Variants in RNF43 observed in about 807,000 individuals in gnomAD.
The protein encoded by RNF43 is ring finger protein 43.
In RNF43, 37 loss-of-function variants were observed where a neutral mutation model predicts 78.4. The ratio of observed to expected loss-of-function variants is 0.47; its 90% CI spans 0.36 to 0.62. The LOEUF (loss-of-function observed/expected upper bound fraction) is 0.62, where lower values mean the gene tolerates loss of function less well. RNF43 is among the 20% of genes least tolerant of loss of function. The pLI is 0.00. For missense variants in RNF43, 774 were observed against 1,007.9 expected, an observed-to-expected ratio of 0.77 and a Z score of 3.14; for synonymous variants, 347 against 395.0, an observed-to-expected ratio of 0.88 and a Z score of 1.44.
At chr17:58,389,170 G>A (rs531274123) in intron 2 of RNF43, among the ~76,000 whole-genome samples, 1 of 152,244 alleles carries the variant, frequency 6.6e-6, no homozygotes, top group East Asian at 1.9e-4. Flanking sequence ...AGTACTGCAC[G>A]ATCAGAGCTT....
chr17:58,355,410 C>A (rs115384167), intron 9 of RNF43, among the ~76,000 whole-genome samples: 2,073 of 152,148 alleles, frequency 0.014, 45 homozygotes, highest in African/African-American at 0.046. Context: ...AGGAGAGAGA[C>A]CAGGTCCAAG....
Position 58,360,595 on chromosome 17 carries a change from T to C in RNF43, c.849+188A>G, listed in dbSNP as rs917914888. ...GTGGTACACTCTCAACAAACAATAGTGCTCTTTCACTGGAAGGTCAGAAAA... is the reference window on the plus strand; with the variant it reads ...GTGGTACACTCTCAACAAACAATAGCGCTCTTTCACTGGAAGGTCAGAAAA... On this transcript the variant is annotated intron_variant, in intron 7 of 9. Coordinates refer to ENST00000407977, the MANE Select transcript of RNF43 (RefSeq NM_017763.6). This position sits in a 1 kb window ranked among gnomAD's most constrained non-coding sequence, Gnocchi z 4.3. 1.3e-5 allele frequency among the ~76,000 whole-genome samples: 2 copies of C among 152,158 alleles called. No individual in the cohort carries two copies. The highest frequency in any genetic ancestry group is 2.9e-5 in the Non-Finnish European group (2 of 68,028).
chr17:58,395,018 T>A (rs1973646437), intron 2 of RNF43: 2 of 152,236 alleles, frequency 1.3e-5, no homozygotes, highest in South Asian at 4.1e-4. Flanking sequence ...CAGGCAAGTA[T>A]ATCGAGAGGA....
At chr17:58,384,090 T>A (rs1219890004) in intron 2 of RNF43, among the ~76,000 whole-genome samples, 1 of 152,272 alleles carries the variant, frequency 6.6e-6, no homozygotes, top group Admixed American at 6.5e-5. Flanking sequence ...AGACATCCTT[T>A]GACTTGCTCT....
intron 2 of RNF43, among the ~76,000 whole-genome samples, chr17:58,398,636 A>C (rs893766357): frequency 6.6e-6 from 1 of 152,220 alleles, no homozygotes; most frequent in Non-Finnish European, 1.5e-5. Context: ...CACCCATAGA[A>C]ATGGAGTCTA....
rs999742021 is a variant in RNF43 at position 58,391,370 on chromosome 17, A to G, written c.253-20337T>C. The stretch of plus-strand genomic sequence containing the variant: ...CCCAACACATTTTTTTCCTTCCAGC[A>G]TCAGCCAGGTGCAGAACAAAAGGAA... On this transcript the variant is annotated intron_variant, in intron 2 of 9. Transcript: ENST00000407977. 3.3e-5 allele frequency among the ~76,000 whole-genome samples: 5 copies of G among 152,240 alleles called. No individual in the cohort carries two copies. In the East Asian group the frequency reaches 9.6e-4, roughly 29 times the overall value.
In RNF43 at chr17:58,353,789, CACTA is replaced by C. The variant is rs372206195; in HGVS notation, c.*1150_*1153del. 4 of 203,388 alleles carry C rather than the reference CACTA, an allele frequency of 2.0e-5. No homozygotes were observed. Among genetic ancestry groups the C allele is most frequent in the East Asian group, 7.5e-5 (1 of 13,284 alleles). The allele number at this position is 203,388 out of a possible 1,614,324, so 12.6% of individuals were successfully genotyped here. A position where few individuals can be genotyped will look rare whatever the true frequency, so the allele number is the denominator to read the frequency against. The stretch of plus-strand genomic sequence containing the variant: ...GTGGGTACCTAGGTGCTAGTCTCCC[CACTA>C]ACTGAGGGAAAAAGGTTCCCAGGTG... On this transcript the variant is annotated 3_prime_UTR_variant, in exon 10 of 10. Transcript: ENST00000407977.
chr17:58,357,478 C>A lies in RNF43; in HGVS notation c.2298G>T (p.Ser766=), dbSNP rs1203633419. 1 of 1,614,224 alleles carries A rather than the reference C, an allele frequency of 6.2e-7. No individual in the cohort carries two copies. The highest frequency in any genetic ancestry group is 8.5e-7 in the Non-Finnish European group (1 of 1,180,040). The change falls in exon 9 of 10, where the codon TCG becomes TCT. Residue 766 remains serine (S), a synonymous_variant. Transcript: ENST00000407977. This position sits in a 1 kb window ranked among gnomAD's most constrained non-coding sequence, Gnocchi z 4.5. ...PCPYPHCQVL[S]AQPGSEEELE... ...CCTCTGAAAACTCACCAGGCTGGGC[C>A]GACAGCACCTGGCAGTGCGGATAAG...
At chr17:58,355,576 G>C (rs1972670079) in intron 9 of RNF43, among the ~76,000 whole-genome samples, 1 of 152,224 alleles carries the variant, frequency 6.6e-6, no homozygotes, top group Admixed American at 6.5e-5. Flanking sequence ...TAAAGCATGG[G>C]CCTGGGGAAG....
chr17:58,388,019 T>A (rs1449954429), intron 2 of RNF43, among the ~76,000 whole-genome samples: 1 of 151,216 alleles, frequency 6.6e-6, no homozygotes, highest in African/African-American at 2.4e-5. Flanking sequence ...ATCTGATATT[T>A]CTGTTGACAC....
At chr17:58,394,886 C>T (rs1194602104) in intron 2 of RNF43, 1 of 152,188 alleles carries the variant, frequency 6.6e-6, no homozygotes, top group African/African-American at 2.4e-5. Context: ...TTTCATCCTC[C>T]CAACTGCTGT....
chr17:58,362,705 C>T (rs747146284), intron 5 of RNF43, 57 bp from the exon 6 acceptor site: 9 of 1,384,410 alleles, frequency 6.5e-6, no homozygotes, highest in Non-Finnish European at 8.0e-6. Flanking sequence ...TGGGTCAATT[C>T]GGGAGGAAAC....
At chr17:58,390,676 C>T (rs1010429553) in intron 2 of RNF43, among the ~76,000 whole-genome samples, 9 of 152,198 alleles carry the variant, frequency 5.9e-5, no homozygotes, top group African/African-American at 2.2e-4. Context: ...TTGATACCAG[C>T]ATACTCAAAT....
At chr17:58,410,378 G>A (rs1787845200) in intron 2 of RNF43, among the ~76,000 whole-genome samples, 1 of 152,206 alleles carries the variant, frequency 6.6e-6, no homozygotes, top group Admixed American at 6.5e-5. Flanking sequence ...AAGCACCTAA[G>A]AATGTTTGTG....
intron 2 of RNF43, among the ~76,000 whole-genome samples, chr17:58,403,579 C>T (rs1417182137): frequency 6.6e-6 from 1 of 151,984 alleles, no homozygotes; most frequent in African/African-American, 2.4e-5. Flanking sequence ...GTATGGCCCT[C>T]AGCAACAGCA....
intron 2 of RNF43, among the ~76,000 whole-genome samples, chr17:58,412,658 G>A (rs542802680): frequency 6.7e-6 from 1 of 148,160 alleles, no homozygotes; most frequent in Non-Finnish European, 1.5e-5. Flanking sequence ...TTGTCAAGGG[G>A]GGGGGTCTCC....
chr17:58,383,538 A>G (rs1237278665), intron 2 of RNF43, among the ~76,000 whole-genome samples: 6 of 151,994 alleles, frequency 3.9e-5, no homozygotes, highest in African/African-American at 2.4e-5. Flanking sequence ...CCTGGCCTCA[A>G]GCAATCCTCC....
intron 2 of RNF43, among the ~76,000 whole-genome samples, chr17:58,397,641 T>TG (rs1474909208): frequency 1.3e-5 from 2 of 148,516 alleles, no homozygotes; most frequent in Non-Finnish European, 3.0e-5. Flanking sequence ...CCAGCCTGGG[T>TG]GACAACAGTG....
intron 3 of RNF43, among the ~76,000 whole-genome samples, chr17:58,365,793 C>T (rs1189571232): frequency 1.3e-5 from 2 of 152,176 alleles, no homozygotes; most frequent in Non-Finnish European, 2.9e-5. Flanking sequence ...TAGGCAGGCC[C>T]TCAGGACAGG....
Sources: gnomAD v4.1 joint callset for allele counts (sites outside exome capture counted in the v4.1 genomes callset) on GRCh38, gnomAD v4.1.1 for gene constraint, Gnocchi (gnomAD v3.1) non-coding constraint, MANE v1.5 for transcripts, NCBI Gene and HGNC (gene_info 2026-07-23, HGNC 2026-07-21) for gene names.